TSNARE1: variants seen among roughly 807,000 people sequenced by gnomAD.
The protein encoded by TSNARE1 is t-SNARE domain-containing protein 1.
TSNARE1 carries 49 observed loss-of-function variants against 62.0 expected under a neutral mutation model. That is an observed-to-expected ratio of 0.79 (90% CI 0.63 to 1.00). The LOEUF (loss-of-function observed/expected upper bound fraction) is 1.00, where lower values mean the gene tolerates loss of function less well. Ranked by LOEUF, TSNARE1 falls within the 50% of genes least tolerant of loss-of-function variation. The probability of loss-of-function intolerance (pLI) is 0.00; values close to 1 mark genes in which losing one functional copy is unlikely to be tolerated. For synonymous variants in TSNARE1, 328 were observed against 294.4 expected (o/e 1.11, Z -1.17); for missense variants, 755 against 700.1 (o/e 1.08, Z -0.88).
chr8:142,217,254 TAATAA>T (rs1220196239), intron 13 of TSNARE1, among the ~76,000 whole-genome samples: 2 of 113,250 alleles, frequency 1.8e-5, no homozygotes, highest in East Asian at 4.9e-4. Flanking sequence ...AAAAATAAAA[TAATAA>T]AATAAAATAA....
At chr8:142,356,528 C>A (rs1232702536) in intron 1 of TSNARE1, among the ~76,000 whole-genome samples, 1 of 152,194 alleles carries the variant, frequency 6.6e-6, no homozygotes, top group Non-Finnish European at 1.5e-5. Flanking sequence ...TGTGCCGGGG[C>A]CTCATCGGGA....
chr8:142,297,973 C>T (rs1427568540), intron 10 of TSNARE1, among the ~76,000 whole-genome samples: 4 of 152,286 alleles, frequency 2.6e-5, no homozygotes, highest in Admixed American at 6.5e-5. Flanking sequence ...ATGCTGCAGA[C>T]AAAGAAAGTG....
chr8:142,257,637 C>T (rs1293798920), intron 12 of TSNARE1, among the ~76,000 whole-genome samples: 1 of 152,136 alleles, frequency 6.6e-6, no homozygotes, highest in East Asian at 1.9e-4. Context: ...GTGCTTCAAG[C>T]TGGCCTCCCA....
chr8:142,290,104 C>G (rs1193704184), intron 10 of TSNARE1, among the ~76,000 whole-genome samples: 1 of 152,232 alleles, frequency 6.6e-6, no homozygotes, highest in African/African-American at 2.4e-5. Context: ...ACCTAGGAGA[C>G]TTGCCAGAGA....
intron 4 of TSNARE1, among the ~76,000 whole-genome samples, chr8:142,332,941 G>A (rs150261532): frequency 2.7e-4 from 41 of 152,330 alleles, no homozygotes; most frequent in Non-Finnish European, 3.7e-4. Flanking sequence ...AAGAGATACC[G>A]GGGAAGGGAC....
At position 142,389,374 on chromosome 8, in the gene TSNARE1, A is replaced by G. The variant is rs1021114512; in HGVS notation, c.-40+13730T>C. On this transcript the variant is annotated intron_variant, in intron 1 of 13. Transcript: ENST00000524325. ...TAATATGACCCCAAAAGCAAAGGCA[A>G]TAAAAGTGGAAATAAATGGGGTTAC... 6.6e-5 allele frequency among the ~76,000 whole-genome samples: 10 copies of G among 152,238 alleles called. 1 individual carries two copies. The highest frequency in any genetic ancestry group is 2.4e-4 in the African/African-American group (10 of 41,474).
intron 12 of TSNARE1, among the ~76,000 whole-genome samples, chr8:142,268,162 T>C (rs925973546): frequency 2.0e-5 from 3 of 152,312 alleles, no homozygotes; most frequent in African/African-American, 7.2e-5. Context: ...TGCCATTCCA[T>C]GCCCCCACTG....
chr8:142,280,423 C>T (rs1563816344), intron 11 of TSNARE1: 9 of 743,914 alleles, frequency 1.2e-5, no homozygotes, highest in South Asian at 6.0e-5. Context: ...CTGTGCACAG[C>T]GGCCAGGCCT....
rs1022643113 is a variant in TSNARE1, at chr8:142,245,479, C to G, written c.1447-15900G>C. Among the ~76,000 whole-genome samples, 8 of 152,298 alleles carry G rather than the reference C, an allele frequency of 5.3e-5. No individual in the cohort carries two copies. In the South Asian group the frequency reaches 1.5e-3, roughly 28 times the overall value. On this transcript the variant is annotated intron_variant, in intron 12 of 13. Coordinates refer to ENST00000524325, the MANE Select transcript of TSNARE1 (RefSeq NM_145003.5). ...GGTCACACAATGTCATCTTCTGCAT[C>G]AGCGAAAATTATGAACTGTAGCTAT...
intron 4 of TSNARE1, 82 bp from the exon 5 acceptor site, chr8:142,331,913 C>T: frequency 2.2e-6 from 3 of 1,364,752 alleles, no homozygotes; most frequent in Non-Finnish European, 2.0e-6. Context: ...CTCTGGGCAG[C>T]CCCCAGGGGC....
chr8:142,279,879 C>T, intron 11 of TSNARE1: 3 of 1,036,672 alleles, frequency 2.9e-6, no homozygotes, highest in Non-Finnish European at 3.5e-6. Context: ...GCTCCGTGGT[C>T]TGGCCCTCGC....
In TSNARE1 at chr8:142,350,370, T is replaced by C. The variant is rs147649385; in HGVS notation, c.88+4267A>G. Among the ~76,000 whole-genome samples the C allele has an allele frequency of 1.7e-3, 262 of 152,334 alleles. 2 individuals carry two copies. The highest frequency in any genetic ancestry group is 6.1e-3 in the African/African-American group (254 of 41,574). ...GAACATTTAGATAAAACAGTCGAAT[T>C]TCCAGAAAAATGCAACTTAACAAAA... On this transcript the variant is annotated intron_variant, in intron 2 of 13. Coordinates refer to ENST00000524325, the MANE Select transcript of TSNARE1 (RefSeq NM_145003.5).
chr8:142,304,157 G>GC (rs1361704864), intron 9 of TSNARE1, among the ~76,000 whole-genome samples: 1 of 152,258 alleles, frequency 6.6e-6, no homozygotes, highest in Non-Finnish European at 1.5e-5. Flanking sequence ...GTTGACAAGC[G>GC]CAACTCGTCC....
chr8:142,309,915 T>G (rs1324386617), intron 9 of TSNARE1, among the ~76,000 whole-genome samples: 1 of 152,338 alleles, frequency 6.6e-6, no homozygotes, highest in Non-Finnish European at 1.5e-5. Flanking sequence ...TGGATTTAAT[T>G]TTTTAATAAA....
chr8:142,226,747 A>C (rs1816793183), intron 13 of TSNARE1, among the ~76,000 whole-genome samples: 1 of 152,082 alleles, frequency 6.6e-6, no homozygotes, highest in African/African-American at 2.4e-5. Context: ...TGGCAAGACC[A>C]CAGCAGTTCC....
At chr8:142,280,734 C>T (rs1005916753) in intron 11 of TSNARE1, among the ~76,000 whole-genome samples, 1 of 152,186 alleles carries the variant, frequency 6.6e-6, no homozygotes, top group Non-Finnish European at 1.5e-5. Context: ...CATCCCAGCC[C>T]GCGACAGGTG....
At chr8:142,270,249 T>C in intron 12 of TSNARE1, 6 of 985,148 alleles carry the variant, frequency 6.1e-6, no homozygotes, top group Non-Finnish European at 7.2e-6. Context: ...AAGGAGGTAA[T>C]GGAGGAAGAA....
intron 6 of TSNARE1, among the ~76,000 whole-genome samples, chr8:142,321,692 T>C (rs1829507502): frequency 6.6e-6 from 1 of 152,122 alleles, no homozygotes; most frequent in African/African-American, 2.4e-5. Flanking sequence ...GGCCCATAAA[T>C]TTGACAACTA....
At chr8:142,303,395 C>T (rs981001680) in intron 9 of TSNARE1, among the ~76,000 whole-genome samples, 3 of 152,208 alleles carry the variant, frequency 2.0e-5, no homozygotes. Context: ...CAGGGCCCAG[C>T]GAGGTGCCCC....
Sources: gnomAD v4.1 joint callset for allele counts (sites outside exome capture counted in the v4.1 genomes callset) on GRCh38, gnomAD v4.1.1 for gene constraint, MANE v1.5 for transcripts, NCBI Gene and HGNC (gene_info 2026-07-23, HGNC 2026-07-21) for gene names.